The following TMEM178B variants were observed in gnomAD, a reference collection of about 807,000 sequenced individuals.
TMEM178B encodes the protein transmembrane protein 178B.
TMEM178B carries 5 observed loss-of-function variants against 31.0 expected under a neutral mutation model. The ratio of observed to expected loss-of-function variants is 0.16; its 90% CI spans 0.08 to 0.34. The LOEUF is 0.34. Ranked by LOEUF, TMEM178B falls within the 10% of genes least tolerant of loss-of-function variation. The pLI is 1.00. For missense variants in TMEM178B, 275 were observed against 400.3 expected (o/e 0.69, Z 2.67); for synonymous variants, 164 against 164.0 (o/e 1.00, Z 0.00).
In TMEM178B at chr7:141,204,736, C is replaced by T. The variant is rs185666198; in HGVS notation, c.383-7855C>T. ...TAGATCATTTGATCAAATAGCAGGCCTTGATATCTATTTTTCACTCATCCA... is the reference window on the plus strand; with the variant it reads ...TAGATCATTTGATCAAATAGCAGGCTTTGATATCTATTTTTCACTCATCCA... On this transcript the variant is annotated intron_variant, in intron 1 of 3. Transcript: ENST00000565468. Among the ~76,000 whole-genome samples the T allele has an allele frequency of 2.9e-3, 444 of 152,308 alleles. 10 individuals carry two copies. Among genetic ancestry groups the T allele is most frequent in the Non-Finnish European group, 1.0e-3 (71 of 68,008 alleles).
chr7:141,122,735 C>A, intron 1 of TMEM178B, among the ~76,000 whole-genome samples: 1 of 152,134 alleles, frequency 6.6e-6, no homozygotes, highest in East Asian at 1.9e-4. Flanking sequence ...AGGGCTTTTT[C>A]CTTTTTCATC....
intron 2 of TMEM178B, among the ~76,000 whole-genome samples, chr7:141,332,348 A>G (rs997947983): frequency 3.3e-5 from 5 of 152,182 alleles, no homozygotes; most frequent in East Asian, 3.9e-4. Context: ...ACTACCCTCA[A>G]CTGGCTGCTG....
At chr7:141,130,309 A>C (rs1795573288) in intron 1 of TMEM178B, among the ~76,000 whole-genome samples, 1 of 152,190 alleles carries the variant, frequency 6.6e-6, no homozygotes, top group South Asian at 2.1e-4. Context: ...AGTTAAATAA[A>C]ACTCATCTGA....
rs925243717 is a variant in TMEM178B, at chr7:141,476,139, C to T, written c.*5353C>T. ...ATTCTCACATCAAGTGTCTGTGCCT[C>T]GCTGCTGAAGGATAACCCAGAGTGC... On this transcript the variant is annotated 3_prime_UTR_variant, in exon 4 of 4. Coordinates refer to ENST00000565468, the MANE Select transcript of TMEM178B (RefSeq NM_001195278.2). 7 of 152,240 alleles carry T rather than the reference C, an allele frequency of 4.6e-5. No individual in the cohort carries two copies. Among genetic ancestry groups the T allele is most frequent in the Admixed American group, 3.9e-4 (6 of 15,282 alleles). The allele number at this position is 152,240 out of a possible 1,614,324, so 9.4% of individuals were successfully genotyped here. A position where few individuals can be genotyped will look rare whatever the true frequency, so the allele number is the denominator to read the frequency against.
At chr7:141,294,577 A>G (rs1218738524) in intron 2 of TMEM178B, among the ~76,000 whole-genome samples, 1 of 152,216 alleles carries the variant, frequency 6.6e-6, no homozygotes, top group East Asian at 1.9e-4. Flanking sequence ...AAAACTCCCA[A>G]TTAAAGACTT....
chr7:141,374,989 G>A (rs895930379), intron 2 of TMEM178B, among the ~76,000 whole-genome samples: 1 of 152,156 alleles, frequency 6.6e-6, no homozygotes, highest in African/African-American at 2.4e-5. Context: ...TCCCATGGCT[G>A]GGATTTGAGA....
At chr7:141,359,087 A>G (rs1236646849) in intron 2 of TMEM178B, among the ~76,000 whole-genome samples, 2 of 152,228 alleles carry the variant, frequency 1.3e-5, no homozygotes, top group East Asian at 3.9e-4. Context: ...ATTTAAATGA[A>G]CTAGCCCCAA....
At chr7:141,234,303 G>A (rs1181558596) in intron 2 of TMEM178B, among the ~76,000 whole-genome samples, 1 of 152,210 alleles carries the variant, frequency 6.6e-6, no homozygotes, top group South Asian at 2.1e-4. Context: ...CTGAGGTTAG[G>A]ATGATCTGGT....
intron 2 of TMEM178B, among the ~76,000 whole-genome samples, chr7:141,300,237 G>T (rs1350332728): frequency 6.6e-6 from 1 of 152,198 alleles, no homozygotes; most frequent in Admixed American, 6.5e-5. Flanking sequence ...CATGACCTCG[G>T]TGTCTGTTGC....
At chr7:141,091,010 A>C (rs1285855936) in intron 1 of TMEM178B, among the ~76,000 whole-genome samples, 1 of 152,254 alleles carries the variant, frequency 6.6e-6, no homozygotes, top group Non-Finnish European at 1.5e-5. Flanking sequence ...TTAGCAGATA[A>C]ATATAGATAT....
intron 3 of TMEM178B, among the ~76,000 whole-genome samples, 154 bp from the exon 4 acceptor site, chr7:141,470,382 C>A (rs1233355160): frequency 6.6e-6 from 1 of 152,122 alleles, no homozygotes; most frequent in Admixed American, 6.5e-5. Flanking sequence ...CAGATACTGA[C>A]CTTGGTGATA....
In TMEM178B at chr7:141,153,815, T is replaced by C. The variant is rs118125993; in HGVS notation, c.383-58776T>C. Among the ~76,000 whole-genome samples, 138 of 152,374 alleles carry C rather than the reference T, an allele frequency of 9.1e-4. 1 individual carries two copies. Among genetic ancestry groups the C allele is most frequent in the Non-Finnish European group, 1.5e-3 (103 of 68,036 alleles). On this transcript the variant is annotated intron_variant, in intron 1 of 3. Coordinates refer to ENST00000565468, the MANE Select transcript of TMEM178B (RefSeq NM_001195278.2). ...TATAAGACATAAGCATTTTGTCCTA[T>C]GTTACAGATATTTTTCCATTTATCA...
chr7:141,098,449 T>C lies in TMEM178B; in HGVS notation c.382+23757T>C, dbSNP rs1287514460. ...TTAAAGACATTTGTATGTAAAGTGG[T>C]TTGTCTAGGCTACTGTTTTAAGTAG... On this transcript the variant is annotated intron_variant, in intron 1 of 3. Coordinates refer to ENST00000565468, the MANE Select transcript of TMEM178B (RefSeq NM_001195278.2). Among the ~76,000 whole-genome samples, 3 of 152,206 alleles carry C rather than the reference T, an allele frequency of 2.0e-5. No individual in the cohort carries two copies. In the East Asian group the frequency reaches 5.8e-4, roughly 29 times the overall value.
At chr7:141,449,443 G>A (rs1315885778) in intron 3 of TMEM178B, among the ~76,000 whole-genome samples, 2 of 152,104 alleles carry the variant, frequency 1.3e-5, no homozygotes. Context: ...CCAAGGAAGG[G>A]GGGCACTCTC....
chr7:141,136,303 G>T (rs1395748036), intron 1 of TMEM178B, among the ~76,000 whole-genome samples: 1 of 152,156 alleles, frequency 6.6e-6, no homozygotes, highest in African/African-American at 2.4e-5. Flanking sequence ...AATAAATGGT[G>T]TTGGGAAAAT....
chr7:141,286,023 A>G (rs1003263015), intron 2 of TMEM178B, among the ~76,000 whole-genome samples: 1 of 152,166 alleles, frequency 6.6e-6, no homozygotes, highest in African/African-American at 2.4e-5. Flanking sequence ...GCAAACCACC[A>G]TGGCATGGGT....
At chr7:141,223,080 G>T (rs533077157) in intron 2 of TMEM178B, among the ~76,000 whole-genome samples, 1 of 152,104 alleles carries the variant, frequency 6.6e-6, no homozygotes, top group East Asian at 1.9e-4. Flanking sequence ...CAAAAGACTC[G>T]CCTGTCTAGC....
At chr7:141,197,720 C>T (rs1160531430) in intron 1 of TMEM178B, among the ~76,000 whole-genome samples, 1 of 152,166 alleles carries the variant, frequency 6.6e-6, no homozygotes, top group African/African-American at 2.4e-5. Context: ...GTAACCTCCA[C>T]CTCCTGGGTT....
At chr7:141,076,131 G>A (rs1794597162) in intron 1 of TMEM178B, among the ~76,000 whole-genome samples, 2 of 152,168 alleles carry the variant, frequency 1.3e-5, no homozygotes, top group Admixed American at 1.3e-4. Flanking sequence ...GGAACAAGGT[G>A]ACCCATTTGG....
Sources: gnomAD v4.1 joint callset for allele counts (sites outside exome capture counted in the v4.1 genomes callset) on GRCh38, gnomAD v4.1.1 for gene constraint, MANE v1.5 for transcripts, NCBI Gene and HGNC (gene_info 2026-07-23, HGNC 2026-07-21) for gene names.